The following DPYSL4 variants were observed in gnomAD, a reference collection of about 807,000 sequenced individuals.
DPYSL4 encodes the protein dihydropyrimidinase-related protein 4.
Under a neutral mutation model 63.4 loss-of-function variants are expected in DPYSL4, and 43 were observed. The observed-to-expected ratio is 0.68, with a 90% CI of 0.53 to 0.88. DPYSL4 has a LOEUF of 0.88. DPYSL4 is among the 40% of genes least tolerant of loss of function. The probability of loss-of-function intolerance (pLI) is 0.00; values close to 1 mark genes in which losing one functional copy is unlikely to be tolerated. For missense variants in DPYSL4, 733 were observed against 819.5 expected, an observed-to-expected ratio of 0.89 and a Z score of 1.29; for synonymous variants, 353 against 331.7, an observed-to-expected ratio of 1.06 and a Z score of -0.70.
At chr10:132,192,893 CCT>C (rs748595881) in intron 3 of DPYSL4, 51 bp downstream of exon 3, 11 of 1,530,998 alleles carry the variant, frequency 7.2e-6, no homozygotes, top group Middle Eastern at 2.0e-4. Flanking sequence ...GTCTGCTGCC[CCT>C]CTCTCTGGCC....
Position 132,187,004 on chromosome 10 carries a change from CGCCCGCCCGCCCGCCCG to C in DPYSL4, c.-59_-43del. ...GTCCCGGCTCACGCGTCCCCCCGCC[CGCCCGCCCGCCCGCCCG>C]CCCCCGCTTGTGCCGCCCCTACCAG... is the stretch of plus-strand genomic sequence containing the variant. On this transcript the variant is annotated 5_prime_UTR_variant, in exon 1 of 14. Transcript: ENST00000338492. The C allele has an allele frequency of 2.3e-4, 5 of 22,080 alleles. No individual in the cohort carries two copies. Among genetic ancestry groups the C allele is most frequent in the South Asian group, 1.1e-3 (2 of 1,872 alleles). 1.4% of individuals were successfully genotyped at this position (22,080 alleles called of 1,614,324 possible). A position where few individuals can be genotyped will look rare whatever the true frequency, so the allele number is the denominator to read the frequency against.
intron 8 of DPYSL4, among the ~76,000 whole-genome samples, chr10:132,199,923 C>T (rs1363815448): frequency 6.6e-6 from 1 of 152,010 alleles, no homozygotes; most frequent in Non-Finnish European, 1.5e-5. Context: ...GTGCCCCACC[C>T]CACCTGGGAG....
At chr10:132,198,080 G>A (rs1217688367) in intron 6 of DPYSL4, among the ~76,000 whole-genome samples, 2 of 152,200 alleles carry the variant, frequency 1.3e-5, no homozygotes, top group Admixed American at 1.3e-4. Flanking sequence ...CCCTGCCTGT[G>A]CACACCCCCA....
chr10:132,188,661 A>G (rs1009628428), intron 1 of DPYSL4, among the ~76,000 whole-genome samples: 8 of 152,226 alleles, frequency 5.3e-5, no homozygotes, highest in African/African-American at 1.9e-4. Flanking sequence ...AAATGTTGTC[A>G]GCTTTGCGGA....
chr10:132,196,478 G>A (rs978850378), intron 4 of DPYSL4, among the ~76,000 whole-genome samples: 6 of 152,228 alleles, frequency 3.9e-5, no homozygotes, highest in Non-Finnish European at 5.9e-5. Context: ...AGCACAGCGC[G>A]GCCCTGGCCG....
Position 132,190,755 on chromosome 10 carries a change from C to A in DPYSL4, c.48C>A (p.Arg16=), listed in dbSNP as rs776219190. Residue 16 remains arginine (R), a synonymous_variant, in exon 2 of 14, where the codon CGC becomes CGA. Transcript: ENST00000338492. ...KKSIPRITSD[R]LLIRGGRIVN... ...TTTGTTGTTCCCGATAGAGTGACCG[C>A]CTTCTGATCAGAGGTGGGAGGATCG... 2 of 1,613,240 alleles carry A rather than the reference C, an allele frequency of 1.2e-6. No homozygotes were observed. Among genetic ancestry groups the A allele is most frequent in the Non-Finnish European group, 1.7e-6 (2 of 1,179,308 alleles).
intron 11 of DPYSL4, 60 bp from the exon 12 acceptor site, chr10:132,202,585 CG>C: frequency 3.1e-6 from 5 of 1,591,230 alleles, no homozygotes; most frequent in Non-Finnish European, 4.3e-6. Context: ...AGCGGCTCAA[CG>C]GGGATGGGAC....
chr10:132,187,379 C>CGGCCTTGCCG lies in DPYSL4; in HGVS notation c.39+286_39+287insGGGCCTTGCC, dbSNP rs1221717165. Among the ~76,000 whole-genome samples, 2 of 27,664 alleles carry CGGCCTTGCCG rather than the reference C, an allele frequency of 7.2e-5. 1 individual carries two copies. Among genetic ancestry groups the CGGCCTTGCCG allele is most frequent in the Non-Finnish European group, 1.7e-4 (2 of 12,030 alleles). The allele number at this position is 27,664 out of a possible 152,430, so 18.1% of individuals were successfully genotyped here. A position where few individuals can be genotyped will look rare whatever the true frequency, so the allele number is the denominator to read the frequency against. On this transcript the variant is annotated intron_variant, in intron 1 of 13. Transcript: ENST00000338492. ...CTGCCGGGCCCTGCCGGGCCCTGCCCGGCCTTGCCCGGCCTTGCCGGCTTC... is the reference window on the plus strand; with the variant it reads ...CTGCCGGGCCCTGCCGGGCCCTGCCCGGCCTTGCCGGGCCTTGCCCGGCCTTGCCGGCTTC...
At chr10:132,192,520 A>G in intron 2 of DPYSL4, 138 bp from the exon 3 acceptor site, 1 of 1,418,408 alleles carries the variant, frequency 7.1e-7, no homozygotes. Flanking sequence ...GAGCTAGTCC[A>G]GTGAGTGGCC....
intron 11 of DPYSL4, 64 bp from the exon 12 acceptor site, chr10:132,202,582 C>A: frequency 6.9e-6 from 11 of 1,588,822 alleles, no homozygotes; most frequent in Non-Finnish European, 9.4e-6. Flanking sequence ...TCCAGCGGCT[C>A]AACGGGGATG....
intron 12 of DPYSL4, 112 bp downstream of exon 12, chr10:132,202,937 C>T (rs568998924): frequency 1.5e-6 from 2 of 1,311,522 alleles, no homozygotes; most frequent in Non-Finnish European, 2.1e-6. Context: ...GTCAGGAAGA[C>T]AGAGCGGGGC....
chr10:132,192,597 G>T, intron 2 of DPYSL4, 61 bp from the exon 3 acceptor site: 1 of 1,524,222 alleles, frequency 6.6e-7, no homozygotes, highest in Middle Eastern at 1.8e-4. Context: ...TGCATTGCTG[G>T]GAGCCCATCT....
Position 132,204,891 on chromosome 10 carries a change from A to G in DPYSL4, c.1680A>G (p.Ala560=). The G allele has an allele frequency of 6.2e-7, 1 of 1,612,448 alleles. No individual in the cohort carries two copies. The highest frequency in any genetic ancestry group is 8.5e-7 in the Non-Finnish European group (1 of 1,179,158). Residue 560 remains alanine, a synonymous_variant, in exon 14 of 14, where the codon GCA becomes GCG. Transcript: ENST00000338492. ...IARRTAQKIM[A]PPGGRSNITS... is the part of the protein sequence containing the mutation. ...GACGCACAGCACAGAAGATCATGGC[A>G]CCACCTGGCGGCCGCTCCAACATCA...
Position 132,203,845 on chromosome 10 carries a change from C to T in DPYSL4, c.1545C>T (p.Gly515=), listed in dbSNP as rs769192427. 30 of 1,612,870 alleles carry T rather than the reference C, an allele frequency of 1.9e-5. No individual in the cohort carries two copies. Among genetic ancestry groups the T allele is most frequent in the African/African-American group, 1.3e-4 (10 of 74,938 alleles). The change falls in exon 13 of 14, where the codon GGC becomes GGT. Residue 515 remains glycine, a synonymous_variant. Transcript: ENST00000338492. ...EVMVPAKPGS[G]APARASCPGK... ...TGGTGCCTGCCAAGCCAGGGAGTGG[C>T]GCTCCGGCCCGCGCGTCCTGCCCAG...
At chr10:132,189,086 C>T (rs1258423413) in intron 1 of DPYSL4, among the ~76,000 whole-genome samples, 1 of 152,248 alleles carries the variant, frequency 6.6e-6, no homozygotes, top group Non-Finnish European at 1.5e-5. Flanking sequence ...ATGCTCTTGG[C>T]TTCAGACTGA....
At chr10:132,195,360 A>G (rs1264326530) in intron 4 of DPYSL4, among the ~76,000 whole-genome samples, 1 of 152,176 alleles carries the variant, frequency 6.6e-6, no homozygotes, top group African/African-American at 2.4e-5. Flanking sequence ...TTAAATCCAT[A>G]TCTCTTTGTT....
At chr10:132,189,543 C>T (rs1214403147) in intron 1 of DPYSL4, among the ~76,000 whole-genome samples, 1 of 152,194 alleles carries the variant, frequency 6.6e-6, no homozygotes, top group East Asian at 1.9e-4. Context: ...CCTCACCAGC[C>T]TGACGCTCTG....
chr10:132,198,581 C>T, intron 7 of DPYSL4, 98 bp downstream of exon 7: 2 of 1,284,880 alleles, frequency 1.6e-6, no homozygotes, highest in South Asian at 1.3e-5. Context: ...CCTGGCCCTG[C>T]CACTGTGCTC....
Position 132,200,509 on chromosome 10 carries a change from C to T in DPYSL4, c.965C>T (p.Ser322Phe). ...GCGGACCACCTCACCTGCTTGCTGTCCAGGTAAGCAGCCTCTCCAGGTGGC... is the reference window on the plus strand; with the variant it reads ...GCGGACCACCTCACCTGCTTGCTGTTCAGGTAAGCAGCCTCTCCAGGTGGC... ...TTADHLTCLL[S>F]SGDLQVTGSA... The change falls in exon 9 of 14, where the codon TCC (serine) becomes TTC (phenylalanine). Residue 322 changes from serine (S) to phenylalanine (F), a missense_variant. By Grantham distance (155) the Ser-to-Phe change is radical. Coordinates refer to ENST00000338492, the MANE Select transcript of DPYSL4 (RefSeq NM_006426.3). 6.2e-7 allele frequency: 1 copy of T among 1,612,772 alleles called. No homozygotes were observed. The highest frequency in any genetic ancestry group is 8.5e-7 in the Non-Finnish European group (1 of 1,179,800).
Sources: allele counts gnomAD v4.1 joint callset (sites outside exome capture counted in the v4.1 genomes callset), GRCh38; gene constraint gnomAD v4.1.1; transcripts MANE v1.5; gene names NCBI Gene and HGNC (gene_info 2026-07-23, HGNC 2026-07-21).